The following TRMT44 variants were observed in gnomAD, a reference collection of about 807,000 sequenced individuals.
The protein encoded by TRMT44 is probable tRNA (uracil-O(2)-)-methyltransferase.
In TRMT44, 78 loss-of-function variants were observed where a neutral mutation model predicts 77.3. That is an observed-to-expected ratio of 1.01 (90% CI 0.84 to 1.22). The LOEUF (loss-of-function observed/expected upper bound fraction) is 1.22, where lower values mean the gene tolerates loss of function less well. TRMT44 is among the 50% of genes most tolerant of loss of function. The pLI is 0.00. For missense variants in TRMT44, 1,090 were observed against 964.4 expected, an observed-to-expected ratio of 1.13 and a Z score of -1.73; for synonymous variants, 391 against 383.3, an observed-to-expected ratio of 1.02 and a Z score of -0.23.
At chr4:8,449,607 G>T (rs946200776) in intron 2 of TRMT44, 62 bp from the exon 3 acceptor site, 2 of 1,288,808 alleles carry the variant, frequency 1.6e-6, no homozygotes, top group Admixed American at 2.5e-5. Context: ...TAAATAAATA[G>T]ATAATTTTAA....
At chr4:8,464,217 T>C (rs1050147204) in intron 7 of TRMT44, 126 bp downstream of exon 7, 11 of 667,058 alleles carry the variant, frequency 1.6e-5, no homozygotes, top group Non-Finnish European at 2.6e-5. Flanking sequence ...GTAGTTCCAA[T>C]TGTTGAAATG....
chr4:8,456,911 G>T (rs954221357), intron 6 of TRMT44, among the ~76,000 whole-genome samples: 1 of 152,146 alleles, frequency 6.6e-6, no homozygotes, highest in Non-Finnish European at 1.5e-5. Context: ...GAGAGGCCAG[G>T]TGTGGTGGCT....
chr4:8,458,947 C>T (rs954212059), intron 6 of TRMT44, among the ~76,000 whole-genome samples: 1 of 151,846 alleles, frequency 6.6e-6, no homozygotes, highest in South Asian at 2.1e-4. Context: ...ACCAGCAATC[C>T]TAGCTCTTTG....
chr4:8,475,769 C>T lies in TRMT44; in HGVS notation c.2045-3C>T, dbSNP rs1213976037. 2 of 1,613,886 alleles carry T rather than the reference C, an allele frequency of 1.2e-6. No homozygotes were observed. The highest frequency in any genetic ancestry group is 1.3e-5 in the African/African-American group (1 of 75,052). On this transcript the variant is annotated splice_region_variant and splice_polypyrimidine_tract_variant and intron_variant, in intron 10 of 10. Transcript: ENST00000389737. Reference sequence around the variant, plus strand: ...AGTGTGTCTTCTCTGTTCCAAACCACAGTTGTGAATGGGAGAGTTCACATC... The same window carrying T: ...AGTGTGTCTTCTCTGTTCCAAACCATAGTTGTGAATGGGAGAGTTCACATC...
Position 8,449,692 on chromosome 4 carries a change from G to C in TRMT44, c.758G>C (p.Cys253Ser). The C allele has an allele frequency of 6.5e-7, 1 of 1,535,794 alleles. No individual in the cohort carries two copies. The highest frequency in any genetic ancestry group is 8.7e-7 in the Non-Finnish European group (1 of 1,146,774). The change falls in exon 3 of 11, where the codon TGT (cysteine) becomes TCT (serine). Residue 253 changes from cysteine to serine, a missense_variant. Coordinates refer to ENST00000389737, the MANE Select transcript of TRMT44 (RefSeq NM_152544.3). The stretch of plus-strand genomic sequence containing the variant: ...AGGTTCATATCTGTTTTAATTTTCT[G>C]TCCAGAAAGATGGCATTCAGATGGA... ...EEWFISVLIF[C>S]PERWHSDGIV...
chr4:8,483,810 C>T (rs60162767), intron 2 of TRMT44, among the ~76,000 whole-genome samples: 5,502 of 152,256 alleles, frequency 0.036, 98 homozygotes, highest in South Asian at 0.041. Flanking sequence ...GAAATGACTA[C>T]GGTGGCCTTC....
At chr4:8,450,792 GTTTTTTTTTTTT>G (rs59875098) in intron 3 of TRMT44, among the ~76,000 whole-genome samples, 2 of 96,674 alleles carry the variant, frequency 2.1e-5, no homozygotes, top group African/African-American at 8.1e-5. Flanking sequence ...TCATTTCCAT[GTTTTTTTTTTTT>G]TTTTTTTTTT....
At position 8,454,788 on chromosome 4, in the gene TRMT44, T is replaced by C. The variant is rs778141191; in HGVS notation, c.1178T>C (p.Met393Thr). The C allele has an allele frequency of 8.1e-6, 13 of 1,614,104 alleles. No individual in the cohort carries two copies. Among genetic ancestry groups the C allele is most frequent in the South Asian group, 6.6e-5 (6 of 91,084 alleles). The change falls in exon 6 of 11, where the codon ATG becomes ACG. Residue 393 changes from methionine (M) to threonine (T), a missense_variant. Transcript: ENST00000389737. Reference sequence around the variant, plus strand: ...GTCCGAAGAAGAAAAATCTGGGACATGTATGGACCACAAACTCAGTTAGAG... The same window carrying C: ...GTCCGAAGAAGAAAAATCTGGGACACGTATGGACCACAAACTCAGTTAGAG... ...IDVRRRKIWD[M>T]YGPQTQLEED...
At chr4:8,503,961 C>T in the TRMT44 span, among the ~76,000 whole-genome samples, 1 of 152,214 alleles carries the variant, frequency 6.6e-6, no homozygotes, top group African/African-American at 2.4e-5. Flanking sequence ...GCCTCGCTCC[C>T]AAGCTATGGG....
At chr4:8,505,733 G>A in the TRMT44 span, among the ~76,000 whole-genome samples, 7 of 152,210 alleles carry the variant, frequency 4.6e-5, no homozygotes, top group East Asian at 7.7e-4. Flanking sequence ...CCACCCAAAT[G>A]TCATCTTGAA....
chr4:8,467,133 A>G (rs1207712397), intron 8 of TRMT44, among the ~76,000 whole-genome samples: 3 of 152,198 alleles, frequency 2.0e-5, no homozygotes, highest in South Asian at 2.1e-4. Context: ...GAGCACCTCT[A>G]TGGCTCCAGG....
intron 5 of TRMT44, 28 bp downstream of exon 5, chr4:8,453,017 G>A: frequency 1.4e-6 from 2 of 1,385,160 alleles, no homozygotes; most frequent in Non-Finnish European, 1.9e-6. Context: ...CACCTTTTCT[G>A]GTAACTTGTC....
chr4:8,456,577 T>C (rs1725824118), intron 6 of TRMT44, among the ~76,000 whole-genome samples: 1 of 151,850 alleles, frequency 6.6e-6, no homozygotes, highest in Non-Finnish European at 1.5e-5. Flanking sequence ...GGAAAGAAAT[T>C]TGTGAAACTG....
chr4:8,450,662 C>G (rs1210052781), intron 3 of TRMT44, among the ~76,000 whole-genome samples: 6 of 152,086 alleles, frequency 3.9e-5, no homozygotes, highest in Non-Finnish European at 5.9e-5. Flanking sequence ...CGGGTTCCCC[C>G]AATACATCTG....
At chr4:8,508,483 C>T in the TRMT44 span, among the ~76,000 whole-genome samples, 3 of 152,210 alleles carry the variant, frequency 2.0e-5, no homozygotes, top group Admixed American at 1.3e-4. Flanking sequence ...CTGGCCACCT[C>T]GTCCCCTCTG....
chr4:8,464,041 C>T lies in TRMT44; in HGVS notation c.1260C>T (p.Ile420=), dbSNP rs749763146. 1.5e-5 allele frequency: 25 copies of T among 1,613,964 alleles called. No individual in the cohort carries two copies. Among genetic ancestry groups the T allele is most frequent in the East Asian group, 4.5e-5 (2 of 44,888 alleles). ...KTLFPDVDWL[I]GNHSDELTPW... is the part of the protein sequence containing the mutation. ...TTTTCCCTGATGTTGATTGGTTAATCGGTAACCATTCTGATGAACTCACAC... is the reference window on the plus strand; with the variant it reads ...TTTTCCCTGATGTTGATTGGTTAATTGGTAACCATTCTGATGAACTCACAC... The change falls in exon 7 of 11, where the codon ATC becomes ATT. Residue 420 remains isoleucine (I), a synonymous_variant. Transcript: ENST00000389737.
At chr4:8,472,068 C>T (rs1204343661) in intron 10 of TRMT44, among the ~76,000 whole-genome samples, 1 of 150,860 alleles carries the variant, frequency 6.6e-6, no homozygotes, top group Non-Finnish European at 1.5e-5. Flanking sequence ...AGCTAGCATG[C>T]TATTTCACCC....
intron 2 of TRMT44, among the ~76,000 whole-genome samples, chr4:8,489,612 G>A (rs544364087): frequency 1.3e-5 from 2 of 152,128 alleles, no homozygotes; most frequent in Non-Finnish European, 2.9e-5. Context: ...GAGTGGCTGG[G>A]ATTACAGGTG....
At chr4:8,491,668 C>G (rs2109235246) in intron 2 of TRMT44, among the ~76,000 whole-genome samples, 1 of 152,370 alleles carries the variant, frequency 6.6e-6, no homozygotes, top group African/African-American at 2.4e-5. Flanking sequence ...AAGTCCCTCA[C>G]TGCCTGGGGC....
Sources: allele counts gnomAD v4.1 joint callset (sites outside exome capture counted in the v4.1 genomes callset), GRCh38; gene constraint gnomAD v4.1.1; transcripts MANE v1.5; gene names NCBI Gene and HGNC (gene_info 2026-07-23, HGNC 2026-07-21).